The following DIP2B variants were observed in gnomAD, a reference collection of about 807,000 sequenced individuals.
DIP2B encodes the protein DIP2 acetate--CoA ligase B (putative).
In DIP2B, 76 loss-of-function variants were observed where a neutral mutation model predicts 198.0. The observed-to-expected ratio is 0.38, with a 90% confidence interval of 0.32 to 0.46. The LOEUF (loss-of-function observed/expected upper bound fraction) is 0.46, where lower values mean the gene tolerates loss of function less well. Among genes scored for constraint, DIP2B ranks in the 20% least tolerant of loss-of-function variants. DIP2B has a pLI of 0.99. For missense variants in DIP2B, 1,559 were observed against 1,978.4 expected, an observed-to-expected ratio of 0.79 and a Z score of 4.02; for synonymous variants, 701 against 739.1, an observed-to-expected ratio of 0.95 and a Z score of 0.84.
At chr12:50,524,033 G>A (rs1014952182) in intron 1 of DIP2B, among the ~76,000 whole-genome samples, 24 of 152,062 alleles carry the variant, frequency 1.6e-4, no homozygotes, top group Non-Finnish European at 2.6e-4. Context: ...GCCCATCTCA[G>A]TTTTCACAGA....
intron 3 of DIP2B, among the ~76,000 whole-genome samples, chr12:50,652,112 G>A (rs1938465813): frequency 6.6e-6 from 1 of 151,922 alleles, no homozygotes; most frequent in African/African-American, 2.4e-5. Context: ...AGGAATTTGA[G>A]ACTAGCCTGA....
At chr12:50,666,221 A>G (rs1938749824) in intron 4 of DIP2B, among the ~76,000 whole-genome samples, 1 of 152,230 alleles carries the variant, frequency 6.6e-6, no homozygotes, top group African/African-American at 2.4e-5. Flanking sequence ...AGGTTTGCTG[A>G]TAAGAGTAAT....
chr12:50,548,409 A>G lies in DIP2B; in HGVS notation c.100+43169A>G, dbSNP rs374788473. Among the ~76,000 whole-genome samples, 80 of 152,356 alleles carry G rather than the reference A, an allele frequency of 5.3e-4. No individual in the cohort carries two copies. The South Asian group carries it at 0.014, about 26-fold the overall frequency. The stretch of plus-strand genomic sequence containing the variant: ...GTATGCATACTCATGTATGTTGTGT[A>G]TATGTGTATATATACACAGACACAC... On this transcript the variant is annotated intron_variant, in intron 1 of 37. Transcript: ENST00000301180.
At chr12:50,526,300 T>A (rs570384897) in intron 1 of DIP2B, among the ~76,000 whole-genome samples, 20 of 152,330 alleles carry the variant, frequency 1.3e-4, no homozygotes, top group African/African-American at 4.3e-4. Flanking sequence ...CTCAGGGGCC[T>A]ATGTGTTTCC....
chr12:50,712,517 T>C (rs1233067755), intron 22 of DIP2B, among the ~76,000 whole-genome samples: 2 of 151,668 alleles, frequency 1.3e-5, no homozygotes, highest in East Asian at 3.9e-4. Flanking sequence ...GGCAGGAAAA[T>C]TGCTTGAACC....
At chr12:50,653,426 A>G (rs1048604822) in intron 3 of DIP2B, among the ~76,000 whole-genome samples, 9 of 139,806 alleles carry the variant, frequency 6.4e-5, no homozygotes, top group Non-Finnish European at 1.4e-4. Context: ...CTACAGCCTC[A>G]GTTCTCCCAC....
intron 1 of DIP2B, among the ~76,000 whole-genome samples, chr12:50,616,658 C>G (rs1937705832): frequency 6.6e-6 from 1 of 152,106 alleles, no homozygotes; most frequent in Non-Finnish European, 1.5e-5. Flanking sequence ...AGGCCAGGAG[C>G]TGGTTTAATT....
At chr12:50,683,517 C>T (rs11169522) in intron 10 of DIP2B, among the ~76,000 whole-genome samples, 1 of 152,186 alleles carries the variant, frequency 6.6e-6, no homozygotes, top group African/African-American at 2.4e-5. Flanking sequence ...CGCAGTGGCT[C>T]ACGCCTGTAA....
At chr12:50,551,523 A>G (rs938596728) in intron 1 of DIP2B, among the ~76,000 whole-genome samples, 3 of 152,150 alleles carry the variant, frequency 2.0e-5, no homozygotes, top group South Asian at 2.1e-4. Flanking sequence ...GGTGCACTGC[A>G]GCCTGTGCCT....
chr12:50,644,668 A>G (rs185625087), intron 3 of DIP2B, among the ~76,000 whole-genome samples: 4 of 152,316 alleles, frequency 2.6e-5, no homozygotes, highest in Admixed American at 2.6e-4. Context: ...ACACTGGTGT[A>G]TGGGTCAAGG....
intron 19 of DIP2B, among the ~76,000 whole-genome samples, chr12:50,701,421 C>T (rs1479072426): frequency 1.3e-5 from 2 of 152,178 alleles, no homozygotes; most frequent in Non-Finnish European, 2.9e-5. Context: ...CTTGCTCTGT[C>T]GCCCAGGCGG....
At chr12:50,699,946 T>A (rs1939389509) in intron 19 of DIP2B, among the ~76,000 whole-genome samples, 1 of 151,960 alleles carries the variant, frequency 6.6e-6, no homozygotes, top group African/African-American at 2.4e-5. Flanking sequence ...GTGGTGAATT[T>A]GCCATGGTTT....
chr12:50,716,426 C>T (rs577924136), intron 23 of DIP2B, among the ~76,000 whole-genome samples: 6 of 151,620 alleles, frequency 4.0e-5, no homozygotes, highest in Non-Finnish European at 8.8e-5. Flanking sequence ...GGCGTGAACC[C>T]GGGAGGCAGG....
intron 1 of DIP2B, among the ~76,000 whole-genome samples, chr12:50,594,201 C>G (rs2139434127): frequency 6.6e-6 from 1 of 151,834 alleles, no homozygotes; most frequent in South Asian, 2.1e-4. Context: ...GCCTCAGCCT[C>G]CCAAAGTGCT....
chr12:50,611,023 C>T (rs1372340335), intron 1 of DIP2B, among the ~76,000 whole-genome samples: 1 of 152,106 alleles, frequency 6.6e-6, no homozygotes, highest in Admixed American at 6.5e-5. Context: ...TGGTCTTGAA[C>T]TCCTGACCTT....
intron 3 of DIP2B, among the ~76,000 whole-genome samples, chr12:50,658,337 A>G (rs777586988): frequency 2.0e-5 from 3 of 152,078 alleles, no homozygotes; most frequent in Non-Finnish European, 2.9e-5. Context: ...GGGTTTTACC[A>G]TGTTGGCCAG....
chr12:50,620,930 C>T (rs576427213), intron 1 of DIP2B, among the ~76,000 whole-genome samples: 111 of 152,304 alleles, frequency 7.3e-4, no homozygotes, highest in African/African-American at 2.6e-3. Flanking sequence ...CAGCAATTTC[C>T]AAACTTGCCT....
chr12:50,511,473 G>T (rs1958016272), intron 1 of DIP2B, among the ~76,000 whole-genome samples: 1 of 150,208 alleles, frequency 6.7e-6, no homozygotes, highest in Non-Finnish European at 1.5e-5. Context: ...TTATATTTTT[G>T]GTAGAGACGG....
At chr12:50,601,580 C>T (rs536722654) in intron 1 of DIP2B, among the ~76,000 whole-genome samples, 1 of 152,192 alleles carries the variant, frequency 6.6e-6, no homozygotes, top group East Asian at 1.9e-4. Flanking sequence ...CCTCGTGATC[C>T]GCCCACCTCG....
Sources: gnomAD v4.1 joint callset for allele counts (sites outside exome capture counted in the v4.1 genomes callset) on GRCh38, gnomAD v4.1.1 for gene constraint, MANE v1.5 for transcripts, NCBI Gene and HGNC (gene_info 2026-07-23, HGNC 2026-07-21) for gene names.